The following DYNC2LI1 variants were observed in gnomAD, a reference collection of about 807,000 sequenced individuals.
The protein encoded by DYNC2LI1 is cytoplasmic dynein 2 light intermediate chain 1.
A neutral mutation model predicts 51.9 loss-of-function variants in DYNC2LI1; 45 were observed. The ratio of observed to expected loss-of-function variants is 0.87; its 90% CI spans 0.68 to 1.11. The LOEUF is 1.11. Among genes scored for constraint, DYNC2LI1 ranks in the 50% most tolerant of loss-of-function variants. The pLI is 0.00. For missense variants in DYNC2LI1, 490 were observed against 417.4 expected, an observed-to-expected ratio of 1.17 and a Z score of -1.51; for synonymous variants, 130 against 137.8, an observed-to-expected ratio of 0.94 and a Z score of 0.40.
intron 5 of DYNC2LI1, 110 bp downstream of exon 5, chr2:43,789,831 A>C: frequency 7.1e-6 from 6 of 841,712 alleles, no homozygotes; most frequent in Non-Finnish European, 1.1e-5. Context: ...TATGTTGCTG[A>C]AGGCTTATGC....
At chr2:43,812,832 G>A (rs909570960), downstream of DYNC2LI1, 4 of 365,410 alleles carry the variant, frequency 1.1e-5, no homozygotes, top group East Asian at 5.2e-5. Context: ...ATAGTCACAC[G>A]AGTCTCCCAT....
intron 2 of DYNC2LI1, among the ~76,000 whole-genome samples, chr2:43,780,755 G>C (rs1208697903): frequency 6.6e-6 from 1 of 152,094 alleles, no homozygotes; most frequent in Non-Finnish European, 1.5e-5. Context: ...TGTTTACAGA[G>C]TTAGGAAATT....
At chr2:43,821,306 T>C in the DYNC2LI1 span, among the ~76,000 whole-genome samples, 1 of 152,228 alleles carries the variant, frequency 6.6e-6, no homozygotes, top group Non-Finnish European at 1.5e-5. Context: ...TCCTCTCCCC[T>C]ATCATTTTCC....
At chr2:43,781,168 A>T (rs1346249141) in intron 2 of DYNC2LI1, among the ~76,000 whole-genome samples, 2 of 152,120 alleles carry the variant, frequency 1.3e-5, no homozygotes, top group Non-Finnish European at 2.9e-5. Context: ...GGAGTTCAAG[A>T]CCAGCCTGAC....
chr2:43,825,111 G>A, the DYNC2LI1 span: 12 of 1,493,832 alleles, frequency 8.0e-6, no homozygotes, highest in Non-Finnish European at 1.1e-5. Context: ...GCCAAGGTCA[G>A]GTATTCCTTA....
downstream of DYNC2LI1, chr2:43,810,579 C>T (rs771773765): frequency 6.6e-5 from 61 of 931,212 alleles, no homozygotes; most frequent in Non-Finnish European, 7.3e-5. Context: ...TCCATGTCCA[C>T]ATACAAAATA....
chr2:43,816,119 A>G, the DYNC2LI1 span, among the ~76,000 whole-genome samples: 2 of 152,174 alleles, frequency 1.3e-5, no homozygotes, highest in Non-Finnish European at 2.9e-5. Flanking sequence ...TTGATATCAG[A>G]AAAGAAAACC....
At chr2:43,787,296 G>C in intron 4 of DYNC2LI1, 46 bp downstream of exon 4, 1 of 1,461,620 alleles carries the variant, frequency 6.8e-7, no homozygotes. Flanking sequence ...AGATGGGAAA[G>C]TAATGCTGCT....
chr2:43,813,696 G>GTTTTTTTTTTTTT (rs1558715412), downstream of DYNC2LI1, among the ~76,000 whole-genome samples: 1 of 119,550 alleles, frequency 8.4e-6, no homozygotes, highest in African/African-American at 3.4e-5. Flanking sequence ...TTTTTTTTGG[G>GTTTTTTTTTTTTT]GTTTTTTTTT....
chr2:43,783,808 T>C lies in DYNC2LI1; in HGVS notation c.161+254T>C, dbSNP rs72873527. Among the ~76,000 whole-genome samples, 1,357 of 152,330 alleles carry C rather than the reference T, an allele frequency of 8.9e-3. 19 individuals carry two copies. The highest frequency in any genetic ancestry group is 0.031 in the African/African-American group (1,273 of 41,570). On this transcript the variant is annotated intron_variant, in intron 3 of 12. Transcript: ENST00000260605. Reference sequence around the variant, plus strand: ...GTTACCATAATTACCCAACCTACAATAGTATTTACCTTCTTTTTGGCTATG... The same window carrying C: ...GTTACCATAATTACCCAACCTACAACAGTATTTACCTTCTTTTTGGCTATG...
chr2:43,809,066 G>C lies in DYNC2LI1; in HGVS notation c.994-639G>C, dbSNP rs79470871. 2.8e-3 allele frequency among the ~76,000 whole-genome samples: 427 copies of C among 151,962 alleles called. 17 individuals carry two copies. In the East Asian group the frequency reaches 0.074, roughly 26 times the overall value. The stretch of plus-strand genomic sequence containing the variant: ...TGCAGTGGCGCAATCACAGTTTACT[G>C]CAGCCTTGGCCTCCCAGGTTCAAGC... On this transcript the variant is annotated intron_variant, in intron 12 of 12. Coordinates refer to ENST00000260605, the MANE Select transcript of DYNC2LI1 (RefSeq NM_016008.4).
rs772788154 is a variant in DYNC2LI1 at position 43,794,547 on chromosome 2, T to G, written c.411T>G (p.His137Gln). 9.9e-6 allele frequency: 16 copies of G among 1,613,974 alleles called. No homozygotes were observed. Among genetic ancestry groups the G allele is most frequent in the Non-Finnish European group, 1.4e-5 (16 of 1,180,014 alleles). The change falls in exon 6 of 13, where the codon CAT becomes CAG. Residue 137 changes from histidine to glutamine, a missense_variant. Transcript: ENST00000260605. ...ATCTCTTGCAAGCCACAAAAAGCCATGTAGACAAAGTGATAATGAAACTGG... is the reference window on the plus strand; with the variant it reads ...ATCTCTTGCAAGCCACAAAAAGCCAGGTAGACAAAGTGATAATGAAACTGG... ...MENLLQATKSHVDKVIMKLGK... is the reference protein window; with the variant it reads ...MENLLQATKSQVDKVIMKLGK...
chr2:43,820,686 C>T, the DYNC2LI1 span, among the ~76,000 whole-genome samples: 1 of 152,216 alleles, frequency 6.6e-6, no homozygotes, highest in Non-Finnish European at 1.5e-5. Context: ...CGGAGTTGCA[C>T]TCTGTTGATC....
At chr2:43,809,385 C>T (rs1183744166) in intron 12 of DYNC2LI1, among the ~76,000 whole-genome samples, 1 of 152,148 alleles carries the variant, frequency 6.6e-6, no homozygotes, top group Non-Finnish European at 1.5e-5. Flanking sequence ...CTTTTGAATA[C>T]TTGAAGGATG....
At chr2:43,816,504 T>C in the DYNC2LI1 span, among the ~76,000 whole-genome samples, 1 of 152,208 alleles carries the variant, frequency 6.6e-6, no homozygotes, top group Non-Finnish European at 1.5e-5. Context: ...TAGATCTGGA[T>C]GTATTGACAT....
At chr2:43,795,629 G>A (rs1674001540) in intron 6 of DYNC2LI1, among the ~76,000 whole-genome samples, 1 of 151,990 alleles carries the variant, frequency 6.6e-6, no homozygotes, top group Admixed American at 6.6e-5. Flanking sequence ...AAGGTAATAT[G>A]TTATATAAGG....
chr2:43,810,965 G>A (rs1666460725), downstream of DYNC2LI1, among the ~76,000 whole-genome samples: 2 of 152,182 alleles, frequency 1.3e-5, no homozygotes, highest in South Asian at 4.1e-4. Flanking sequence ...ACTGTCACAT[G>A]TTGAAAGCCA....
intron 5 of DYNC2LI1, 97 bp from the exon 6 acceptor site, chr2:43,794,360 G>A: frequency 1.6e-6 from 2 of 1,267,370 alleles, no homozygotes; most frequent in Non-Finnish European, 2.1e-6. Context: ...TCCCCTTAAG[G>A]TATATTTTAG....
chr2:43,813,662 A>AT (rs1261583927), downstream of DYNC2LI1, among the ~76,000 whole-genome samples: 11 of 41,396 alleles, frequency 2.7e-4, no homozygotes, highest in African/African-American at 4.8e-4. Context: ...TGGCCCTGAG[A>AT]TTTTTTTGGT....
Sources: allele counts gnomAD v4.1 joint callset (sites outside exome capture counted in the v4.1 genomes callset), GRCh38; gene constraint gnomAD v4.1.1; transcripts MANE v1.5; gene names NCBI Gene and HGNC (gene_info 2026-07-23, HGNC 2026-07-21).